The following CNTNAP5 variants were observed in gnomAD, a reference collection of about 807,000 sequenced individuals.
The protein encoded by CNTNAP5 is contactin associated protein family member 5, also known as contactin-associated protein-like 5.
In CNTNAP5, 72 loss-of-function variants were observed where a neutral mutation model predicts 150.2. The observed-to-expected ratio is 0.48, with a 90% confidence interval of 0.40 to 0.58. CNTNAP5 has a LOEUF of 0.58. Ranked by LOEUF, CNTNAP5 falls within the 20% of genes least tolerant of loss-of-function variation. The pLI, the probability that CNTNAP5 is intolerant of heterozygous loss-of-function variation, is 0.00. For synonymous variants in CNTNAP5, 672 were observed against 619.8 expected, an observed-to-expected ratio of 1.08 and a Z score of -1.25; for missense variants, 1,636 against 1,626.2, an observed-to-expected ratio of 1.01 and a Z score of -0.10.
chr2:124,533,151 T>C (rs1695148503), intron 10 of CNTNAP5, among the ~76,000 whole-genome samples: 1 of 152,060 alleles, frequency 6.6e-6, no homozygotes, highest in African/African-American at 2.4e-5. Flanking sequence ...GCCAAGGTTA[T>C]GGTCTTCAGA....
At chr2:124,762,271 G>A (rs1214592631) in intron 14 of CNTNAP5, among the ~76,000 whole-genome samples, 17 of 152,066 alleles carry the variant, frequency 1.1e-4, no homozygotes, top group Admixed American at 1.1e-3. Context: ...CTTTTGATCT[G>A]TAGGAATATA....
chr2:124,053,428 G>A (rs534883318), intron 1 of CNTNAP5, among the ~76,000 whole-genome samples: 2 of 152,248 alleles, frequency 1.3e-5, no homozygotes, highest in South Asian at 2.1e-4. Flanking sequence ...CATCAACCAC[G>A]AGGACAAAGG....
At chr2:124,819,200 C>A (rs1232060982) in intron 19 of CNTNAP5, among the ~76,000 whole-genome samples, 1 of 152,140 alleles carries the variant, frequency 6.6e-6, no homozygotes, top group Non-Finnish European at 1.5e-5. Context: ...TGCCTGTCAT[C>A]CAAACCTTAA....
intron 1 of CNTNAP5, among the ~76,000 whole-genome samples, chr2:124,038,476 G>A (rs1227873963): frequency 2.0e-5 from 3 of 152,022 alleles, no homozygotes; most frequent in Non-Finnish European, 2.9e-5. Context: ...CATCAACAAC[G>A]GGAGCTATCA....
chr2:124,826,132 T>A (rs901432359), intron 19 of CNTNAP5, among the ~76,000 whole-genome samples: 7 of 152,140 alleles, frequency 4.6e-5, no homozygotes, highest in Admixed American at 2.6e-4. Context: ...GATCTTGAGA[T>A]CTTACTGAGT....
intron 19 of CNTNAP5, among the ~76,000 whole-genome samples, chr2:124,860,521 T>A (rs1429013289): frequency 2.1e-5 from 3 of 145,858 alleles, no homozygotes; most frequent in Non-Finnish European, 4.5e-5. Context: ...CCTTCCTTCC[T>A]TCCTTCCTTC....
chr2:124,753,160 T>C (rs1436947309), intron 14 of CNTNAP5, among the ~76,000 whole-genome samples: 1 of 152,152 alleles, frequency 6.6e-6, no homozygotes, highest in Non-Finnish European at 1.5e-5. Context: ...GAAGAGAAAA[T>C]GATGTAAGGT....
chr2:124,147,077 A>C (rs1684271127), intron 1 of CNTNAP5, among the ~76,000 whole-genome samples: 3 of 152,184 alleles, frequency 2.0e-5, no homozygotes, highest in Non-Finnish European at 2.9e-5. Flanking sequence ...AAGATGATAC[A>C]AAAAGGGGAA....
chr2:124,481,095 G>C (rs570224740), intron 7 of CNTNAP5, among the ~76,000 whole-genome samples: 1 of 152,340 alleles, frequency 6.6e-6, no homozygotes, highest in South Asian at 2.1e-4. Context: ...TGAGATCAGA[G>C]TGCCAGGACG....
intron 2 of CNTNAP5, among the ~76,000 whole-genome samples, chr2:124,227,120 A>G: frequency 6.6e-6 from 1 of 152,046 alleles, no homozygotes; most frequent in East Asian, 1.9e-4. Flanking sequence ...AAAAAGTATC[A>G]TTTACTTTGG....
chr2:124,712,251 A>G (rs1679823222), intron 13 of CNTNAP5, among the ~76,000 whole-genome samples: 1 of 152,218 alleles, frequency 6.6e-6, no homozygotes, highest in Admixed American at 6.5e-5. Flanking sequence ...AACTACAAAT[A>G]AGGCTAAATC....
intron 3 of CNTNAP5, among the ~76,000 whole-genome samples, chr2:124,285,194 C>T (rs753506736): frequency 6.6e-6 from 1 of 152,064 alleles, no homozygotes; most frequent in African/African-American, 2.4e-5. Context: ...AGTTATTATC[C>T]GAATACCTTT....
At chr2:124,167,981 T>G (rs17010955) in intron 1 of CNTNAP5, among the ~76,000 whole-genome samples, 8,239 of 152,208 alleles carry the variant, frequency 0.054, 428 homozygotes, top group East Asian at 0.24. Flanking sequence ...ATTCCAATGC[T>G]TTTCAGATTT....
At position 124,897,844 on chromosome 2, in the gene CNTNAP5, G is replaced by A. The variant is rs186359498; in HGVS notation, c.3437-5038G>A. Among the ~76,000 whole-genome samples the A allele has an allele frequency of 2.3e-3, 346 of 151,200 alleles. 21 individuals carry two copies. Among genetic ancestry groups the A allele is most frequent in the African/African-American group, 8.1e-3 (331 of 40,750 alleles). Reference sequence around the variant, plus strand: ...TCCAAACTGGAAGTTGTGTATAATTGTCTCACTTTCTCACTTTATAAGGAA... The same window carrying A: ...TCCAAACTGGAAGTTGTGTATAATTATCTCACTTTCTCACTTTATAAGGAA... On this transcript the variant is annotated intron_variant, in intron 21 of 23. Transcript: ENST00000682447.
chr2:124,037,482 C>G (rs1280002475), intron 1 of CNTNAP5, among the ~76,000 whole-genome samples: 1 of 150,282 alleles, frequency 6.7e-6, no homozygotes, highest in East Asian at 1.9e-4. Flanking sequence ...TATAAAAACA[C>G]AACAGAATCT....
At chr2:124,526,693 T>C (rs1181953759) in intron 9 of CNTNAP5, among the ~76,000 whole-genome samples, 1 of 152,218 alleles carries the variant, frequency 6.6e-6, no homozygotes, top group African/African-American at 2.4e-5. Flanking sequence ...TAAAATGACA[T>C]GCATTTAAAC....
At chr2:124,416,002 A>G (rs1691908466) in intron 3 of CNTNAP5, among the ~76,000 whole-genome samples, 2 of 152,166 alleles carry the variant, frequency 1.3e-5, no homozygotes, top group South Asian at 4.1e-4. Context: ...AGGATTAGAG[A>G]TAAAGATCAT....
intron 7 of CNTNAP5, among the ~76,000 whole-genome samples, chr2:124,483,588 TGTCCAGGTGCA>T (rs1693806308): frequency 6.6e-6 from 1 of 152,214 alleles, no homozygotes; most frequent in African/African-American, 2.4e-5. Flanking sequence ...CTGCCCACCC[TGTCCAGGTGCA>T]CTCCTTGTCC....
At chr2:124,128,453 A>G (rs1683766709) in intron 1 of CNTNAP5, among the ~76,000 whole-genome samples, 1 of 152,198 alleles carries the variant, frequency 6.6e-6, no homozygotes, top group African/African-American at 2.4e-5. Context: ...ACACTTTTAC[A>G]CTGTTGGTGG....
Sources: gnomAD v4.1 joint callset for allele counts (sites outside exome capture counted in the v4.1 genomes callset) on GRCh38, gnomAD v4.1.1 for gene constraint, MANE v1.5 for transcripts, NCBI Gene and HGNC (gene_info 2026-07-23, HGNC 2026-07-21) for gene names.